The following GRM1 variants were observed in gnomAD, a reference collection of about 807,000 sequenced individuals.
GRM1 encodes glutamate metabotropic receptor 1.
In GRM1, 33 loss-of-function variants were observed where a neutral mutation model predicts 90.9. The ratio of observed to expected loss-of-function variants is 0.36; its 90% CI spans 0.28 to 0.49. The LOEUF (loss-of-function observed/expected upper bound fraction) is 0.49, where lower values mean the gene tolerates loss of function less well. GRM1 is among the 20% of genes least tolerant of loss of function. GRM1 has a pLI of 0.99. For synonymous variants in GRM1, 700 were observed against 613.2 expected (o/e 1.14, Z -2.09); for missense variants, 1,190 against 1,534.3 (o/e 0.78, Z 3.75).
chr6:146,277,079 G>C (rs1312981849), intron 2 of GRM1, among the ~76,000 whole-genome samples: 2 of 152,172 alleles, frequency 1.3e-5, no homozygotes, highest in East Asian at 3.9e-4. Context: ...TCCAGCCTAG[G>C]CAACAGAGTG....
intron 5 of GRM1, among the ~76,000 whole-genome samples, chr6:146,358,131 C>T (rs1785659340): frequency 6.6e-6 from 1 of 152,202 alleles, no homozygotes; most frequent in African/African-American, 2.4e-5. Context: ...GACTGCTTAT[C>T]ATTTTCCGTT....
chr6:146,030,682 A>G (rs987821687), intron 1 of GRM1, among the ~76,000 whole-genome samples: 1 of 152,094 alleles, frequency 6.6e-6, no homozygotes, highest in African/African-American at 2.4e-5. Flanking sequence ...ACAGTTGAAG[A>G]TTTTCTTTGT....
chr6:146,186,037 T>G (rs2114563214), intron 2 of GRM1, among the ~76,000 whole-genome samples: 1 of 151,344 alleles, frequency 6.6e-6, no homozygotes, highest in Admixed American at 6.6e-5. Context: ...CAACCTACAC[T>G]TCCTAGGTTC....
At chr6:146,225,682 G>A (rs990174596) in intron 2 of GRM1, among the ~76,000 whole-genome samples, 1 of 151,940 alleles carries the variant, frequency 6.6e-6, no homozygotes, top group Non-Finnish European at 1.5e-5. Flanking sequence ...ATTTAATAAT[G>A]AAAATAAATT....
chr6:146,040,051 G>A, intron 1 of GRM1, among the ~76,000 whole-genome samples: 1 of 151,880 alleles, frequency 6.6e-6, no homozygotes, highest in East Asian at 1.9e-4. Context: ...TGCCAAGGGG[G>A]TAAGATATAA....
intron 1 of GRM1, among the ~76,000 whole-genome samples, chr6:146,152,656 G>T (rs747881393): frequency 4.2e-4 from 64 of 152,028 alleles, no homozygotes; most frequent in Non-Finnish European, 8.1e-4. Flanking sequence ...ATGAATAAAT[G>T]AAATGCTTAG....
At chr6:146,376,154 C>A (rs901468509) in intron 5 of GRM1, among the ~76,000 whole-genome samples, 1 of 152,050 alleles carries the variant, frequency 6.6e-6, no homozygotes, top group African/African-American at 2.4e-5. Context: ...AAAAAGAAAA[C>A]TAATAAAAAC....
chr6:146,179,186 C>T (rs1778448916), intron 2 of GRM1, among the ~76,000 whole-genome samples: 1 of 152,160 alleles, frequency 6.6e-6, no homozygotes, highest in South Asian at 2.1e-4. Context: ...CACATGTGTT[C>T]TCAGGACTAA....
intron 2 of GRM1, among the ~76,000 whole-genome samples, chr6:146,248,385 A>G (rs1781150286): frequency 6.6e-6 from 1 of 152,174 alleles, no homozygotes; most frequent in Non-Finnish European, 1.5e-5. Context: ...GGGACCTAGT[A>G]GGAGGTGATT....
At chr6:146,368,135 A>T (rs186392157) in intron 5 of GRM1, among the ~76,000 whole-genome samples, 10 of 151,606 alleles carry the variant, frequency 6.6e-5, no homozygotes, top group Admixed American at 3.3e-4. Context: ...TAAATGAAAA[A>T]TGCTTTTTTA....
At chr6:146,361,725 A>G (rs1351651201) in intron 5 of GRM1, among the ~76,000 whole-genome samples, 1 of 152,200 alleles carries the variant, frequency 6.6e-6, no homozygotes, top group African/African-American at 2.4e-5. Flanking sequence ...ACTTGCCCCT[A>G]AGCTCTCTCA....
intron 1 of GRM1, among the ~76,000 whole-genome samples, chr6:146,105,066 A>G (rs1216461665): frequency 1.3e-5 from 2 of 152,144 alleles, no homozygotes; most frequent in African/African-American, 2.4e-5. Context: ...TTTGGGCTGT[A>G]TGTTTCTGTT....
intron 2 of GRM1, among the ~76,000 whole-genome samples, chr6:146,283,597 A>T (rs1025640419): frequency 1.3e-5 from 2 of 152,232 alleles, no homozygotes; most frequent in African/African-American, 4.8e-5. Flanking sequence ...ATCCTTAGAA[A>T]AAGAGTGGAA....
At chr6:146,047,135 C>T (rs1049533934) in intron 1 of GRM1, among the ~76,000 whole-genome samples, 2 of 151,890 alleles carry the variant, frequency 1.3e-5, no homozygotes, top group African/African-American at 4.8e-5. Flanking sequence ...GAAAAGCGGA[C>T]CCAGATGTCA....
chr6:146,161,236 A>G (rs1777711980), intron 2 of GRM1, among the ~76,000 whole-genome samples: 1 of 152,144 alleles, frequency 6.6e-6, no homozygotes, highest in African/African-American at 2.4e-5. Flanking sequence ...ATATCCTCAA[A>G]AAAGGGTTCT....
intron 1 of GRM1, among the ~76,000 whole-genome samples, chr6:146,140,066 TC>T: frequency 7.1e-6 from 1 of 141,406 alleles, no homozygotes. Flanking sequence ...TTTCCTCTCC[TC>T]TTCTTTTCTC....
chr6:146,180,452 A>T (rs879803212), intron 2 of GRM1, among the ~76,000 whole-genome samples: 1 of 152,190 alleles, frequency 6.6e-6, no homozygotes, highest in Non-Finnish European at 1.5e-5. Context: ...TTAGATGATT[A>T]TCTCTTTTAA....
chr6:146,082,658 C>T (rs937578435), intron 1 of GRM1, among the ~76,000 whole-genome samples: 1 of 152,148 alleles, frequency 6.6e-6, no homozygotes, highest in Non-Finnish European at 1.5e-5. Flanking sequence ...CTCATCCTCA[C>T]CTGTTCAAGT....
chr6:146,413,721 A>G (rs553687559), intron 7 of GRM1, among the ~76,000 whole-genome samples: 18 of 152,282 alleles, frequency 1.2e-4, no homozygotes, highest in Admixed American at 3.3e-4. Flanking sequence ...GTCCCTTTTT[A>G]AACTATCCTG....
Sources: gnomAD v4.1 joint callset for allele counts (sites outside exome capture counted in the v4.1 genomes callset) on GRCh38, gnomAD v4.1.1 for gene constraint, MANE v1.5 for transcripts, NCBI Gene and HGNC (gene_info 2026-07-23, HGNC 2026-07-21) for gene names.